Variants in CARNS1 observed in about 807,000 individuals in gnomAD.
CARNS1 encodes the protein ATP-grasp domain containing 1.
A neutral mutation model predicts 74.0 loss-of-function variants in CARNS1; 61 were observed. The observed-to-expected ratio is 0.82, with a 90% CI of 0.67 to 1.02. CARNS1 has a LOEUF of 1.02. CARNS1 is among the 50% of genes least tolerant of loss of function. The probability of loss-of-function intolerance (pLI) is 0.00; values close to 1 mark genes in which losing one functional copy is unlikely to be tolerated. For missense variants in CARNS1, 1,278 were observed against 1,308.4 expected, an observed-to-expected ratio of 0.98 and a Z score of 0.36; for synonymous variants, 568 against 605.5, an observed-to-expected ratio of 0.94 and a Z score of 0.91.
At position 67,423,833 on chromosome 11, in the gene CARNS1, T is replaced by C. The variant is rs1863764944; in HGVS notation, c.2085T>C (p.His695=). 6.2e-7 allele frequency: 1 copy of C among 1,611,476 alleles called. No homozygotes were observed. Among genetic ancestry groups the C allele is most frequent in the Non-Finnish European group, 8.5e-7 (1 of 1,179,852 alleles). Residue 695 remains histidine (H), a synonymous_variant, in exon 10 of 10, where the codon CAT becomes CAC. Coordinates refer to ENST00000687366, the MANE Select transcript of CARNS1 (RefSeq NM_001166222.2). The surrounding 1 kb of genome is among the most constrained non-coding windows in gnomAD (Gnocchi z 5.1). ...VRLVEDAPQC[H]EHFSRITRDL... ...TGGTAGAGGATGCGCCACAGTGCCA[T>C]GAGCACTTTTCCCGGATTACCCGAG...
Position 67,418,868 on chromosome 11 carries a change from C to A in CARNS1, c.477C>A (p.Gly159=), listed in dbSNP as rs1268161545. ...AGGCTGTGAGCTTCCACCCTGGGGG[C>A]CTGACATTCCTGGATGACTTTGTCC... ...VSKAVSFHPG[G]LTFLDDFVPP... Residue 159 remains glycine (G), a synonymous_variant, in exon 5 of 10, where the codon GGC becomes GGA. Coordinates refer to ENST00000687366, the MANE Select transcript of CARNS1 (RefSeq NM_001166222.2). 2.5e-6 allele frequency: 4 copies of A among 1,600,460 alleles called. No individual in the cohort carries two copies. The highest frequency in any genetic ancestry group is 3.4e-6 in the Non-Finnish European group (4 of 1,173,724).
In CARNS1 at chr11:67,419,221, A is replaced by G. The variant is rs765753916; in HGVS notation, c.830A>G (p.Glu277Gly). 6.0e-6 allele frequency: 9 copies of G among 1,489,256 alleles called. No individual in the cohort carries two copies. Among genetic ancestry groups the G allele is most frequent in the Non-Finnish European group, 8.1e-6 (9 of 1,113,662 alleles). The allele number at this position is 1,489,256 out of a possible 1,614,324, so 92.3% of individuals were successfully genotyped here. A position where few individuals can be genotyped will look rare whatever the true frequency, so the allele number is the denominator to read the frequency against. ...KEEVEAFLRS[E>G]ALGDILQVAV... ...GAAGTGGAGGCTTTTCTGCGCTCCG[A>G]GGCCCTGGGTGATATCCTGCAGGTA... The change falls in exon 5 of 10, where the codon GAG becomes GGG. Residue 277 changes from glutamate (E) to glycine (G), a missense_variant. Transcript: ENST00000687366.
chr11:67,422,621 A>C (rs1042166665), intron 9 of CARNS1, among the ~76,000 whole-genome samples: 1 of 152,160 alleles, frequency 6.6e-6, no homozygotes, highest in African/African-American at 2.4e-5. Flanking sequence ...GCCACTGCGC[A>C]CAGCCAATTA....
rs749238189 is a variant in CARNS1 at position 67,424,494 on chromosome 11, G to A, written c.2746G>A (p.Gly916Arg). The A allele has an allele frequency of 1.1e-5, 18 of 1,587,662 alleles. No homozygotes were observed. In the East Asian group the frequency reaches 1.2e-4, roughly 10 times the overall value. The change falls in exon 10 of 10, where the codon GGA (glycine) becomes AGA (arginine). Residue 916 changes from glycine to arginine, a missense_variant. Physicochemically the swap from Gly to Arg is moderately radical, Grantham distance 125 (BLOSUM62 -2). Coordinates refer to ENST00000687366, the MANE Select transcript of CARNS1 (RefSeq NM_001166222.2). ...GCCCTACTGCAGTGTGGCCTGTGCCGGACCCAGCCCCACCGAGGCCCGTCT... is the reference window on the plus strand; with the variant it reads ...GCCCTACTGCAGTGTGGCCTGTGCCAGACCCAGCCCCACCGAGGCCCGTCT... ...EEPYCSVACA[G>R]PSPTEARLRL...
At chr11:67,417,140 CA>C (rs1863563213) in intron 2 of CARNS1, 17 of 1,198,994 alleles carry the variant, frequency 1.4e-5, no homozygotes, top group Non-Finnish European at 1.7e-5. Context: ...CCCAGCATGG[CA>C]GGGGCGGGAG....
intron 4 of CARNS1, 34 bp downstream of exon 4, chr11:67,418,554 T>C: frequency 6.6e-7 from 1 of 1,520,390 alleles, no homozygotes; most frequent in Non-Finnish European, 8.8e-7. Flanking sequence ...CATCCCCTTC[T>C]ACAGAAAGGG....
In CARNS1 at chr11:67,423,782, C is replaced by G; in HGVS notation, c.2034C>G (p.Phe678Leu). ...TGCCAGGTGTCATGAAGCTGGAGTT[C>G]GGGGCAGGTGCAGTGGGTGTCCGGC... Reference protein sequence around the residue: ...VPLPGVMKLEFGAGAVGVRLV... With the variant: ...VPLPGVMKLELGAGAVGVRLV... Residue 678 changes from phenylalanine to leucine, a missense_variant, in exon 10 of 10, where the codon TTC becomes TTG. Phe to Leu is a conservative substitution (Grantham distance 22). Around this residue, in one of 3 missense-constraint regions of CARNS1, gnomAD observed 1,164 missense variants for 1,156.5 expected, o/e 1.01. Transcript: ENST00000687366. The surrounding 1 kb of genome is among the most constrained non-coding windows in gnomAD (Gnocchi z 5.1). 1 of 1,598,462 alleles carries G rather than the reference C, an allele frequency of 6.3e-7. No individual in the cohort carries two copies. Among genetic ancestry groups the G allele is most frequent in the Non-Finnish European group, 8.5e-7 (1 of 1,176,568 alleles).
rs1276362983 is a variant in CARNS1 at position 67,416,220 on chromosome 11, C to T, written c.3+18C>T. ...ACGAGATGGTGAGTCTTCTGTGGTC[C>T]CTCCCCCACAAGGCCCAAGTCCCTG... is the stretch of plus-strand genomic sequence containing the variant. On this transcript the variant is annotated intron_variant, in intron 2 of 9. Coordinates refer to ENST00000687366, the MANE Select transcript of CARNS1 (RefSeq NM_001166222.2). The T allele has an allele frequency of 6.5e-7, 1 of 1,536,786 alleles. No homozygotes were observed. The highest frequency in any genetic ancestry group is 1.2e-5 in the South Asian group (1 of 84,046).
rs150605405 is a variant in CARNS1 at position 67,418,301 on chromosome 11, CCT to C, written c.275-129_275-128del. 4,974 of 617,634 alleles carry C rather than the reference CCT, an allele frequency of 8.1e-3. 183 individuals are homozygous for C. In the African/African-American group the frequency reaches 0.082, roughly 10 times the overall value. The allele number at this position is 617,634 out of a possible 1,614,324, so 38.3% of individuals were successfully genotyped here. On this transcript the variant is annotated intron_variant, in intron 3 of 9. Transcript: ENST00000687366. ...GGGCACCTCCATTCCCTGCCTGTCCCCTGTCTCATCCGATTCCTGGGAAAACT... is the reference window on the plus strand; with the variant it reads ...GGGCACCTCCATTCCCTGCCTGTCCCGTCTCATCCGATTCCTGGGAAAACT...
chr11:67,417,044 T>G (rs1000327470), intron 2 of CARNS1: 6 of 1,036,504 alleles, frequency 5.8e-6, no homozygotes, highest in Non-Finnish European at 5.8e-6. Context: ...AGTGGCTGTG[T>G]GCCAGGCACG....
Position 67,423,799 on chromosome 11 carries a change from G to T in CARNS1, c.2051G>T (p.Gly684Val). 6.2e-7 allele frequency: 1 copy of T among 1,604,588 alleles called. No individual in the cohort carries two copies. Residue 684 changes from glycine (G) to valine (V), a missense_variant, in exon 10 of 10, where the codon GGT (glycine) becomes GTT (valine). By Grantham distance (109) the Gly-to-Val change is moderately radical (BLOSUM62 -3). Around this residue, in one of 3 missense-constraint regions of CARNS1, gnomAD observed 1,164 missense variants for 1,156.5 expected, o/e 1.01. Transcript: ENST00000687366. This position sits in a 1 kb window ranked among gnomAD's most constrained non-coding sequence, Gnocchi z 5.1. ...CTGGAGTTCGGGGCAGGTGCAGTGG[G>T]TGTCCGGCTGGTAGAGGATGCGCCA... is the stretch of plus-strand genomic sequence containing the variant. ...MKLEFGAGAV[G>V]VRLVEDAPQC... is the part of the protein sequence containing the mutation.
chr11:67,424,144 T>C lies in CARNS1; in HGVS notation c.2396T>C (p.Val799Ala), dbSNP rs537074890. Residue 799 changes from valine (V) to alanine (A), a missense_variant, in exon 10 of 10, where the codon GTG becomes GCG. Val to Ala is a moderately conservative substitution (Grantham distance 64). This residue lies in a region of CARNS1 where 1,164 missense variants were observed against 1,156.5 expected (regional missense o/e 1.01). Coordinates refer to ENST00000687366, the MANE Select transcript of CARNS1 (RefSeq NM_001166222.2). ...GCGLLDGVFN[V>A]ELKLTGAGPR... The stretch of plus-strand genomic sequence containing the variant: ...GGGTTGCTCGATGGAGTCTTCAACG[T>C]GGAGCTCAAGCTGACCGGGGCTGGG... The C allele has an allele frequency of 3.7e-6, 6 of 1,613,926 alleles. No homozygotes were observed. The South Asian group carries it at 6.6e-5, about 18-fold the overall frequency.
chr11:67,424,376 C>T lies in CARNS1; in HGVS notation c.2628C>T (p.Thr876=), dbSNP rs1013086840. 25 of 1,595,900 alleles carry T rather than the reference C, an allele frequency of 1.6e-5. No homozygotes were observed. The highest frequency in any genetic ancestry group is 3.5e-4 in the Middle Eastern group (2 of 5,644). The stretch of plus-strand genomic sequence containing the variant: ...AGCACCTGCAGGCCCTGAGTTCCAC[C>T]GCCAGCCGTGAGACCCTGCAGGCCC... ...VSQHLQALSS[T]ASRETLQALH... is the part of the protein sequence containing the mutation. Residue 876 remains threonine, a synonymous_variant, in exon 10 of 10, where the codon ACC becomes ACT. Coordinates refer to ENST00000687366, the MANE Select transcript of CARNS1 (RefSeq NM_001166222.2).
In CARNS1 at chr11:67,424,311, G is replaced by A; in HGVS notation, c.2563G>A (p.Ala855Thr). The change falls in exon 10 of 10, where the codon GCT (alanine) becomes ACT (threonine). Residue 855 changes from alanine (A) to threonine (T), a missense_variant. This residue lies in a region of CARNS1 where 1,164 missense variants were observed against 1,156.5 expected (regional missense o/e 1.01). Coordinates refer to ENST00000687366, the MANE Select transcript of CARNS1 (RefSeq NM_001166222.2). ...TCCTGCCCTGCCCACCCGCCCACGTGCTCGTGGCCATCTGGTGGGCGTCAT... is the reference window on the plus strand; with the variant it reads ...TCCTGCCCTGCCCACCCGCCCACGTACTCGTGGCCATCTGGTGGGCGTCAT... Reference protein sequence around the residue: ...LRPALPTRPRARGHLVGVMCL... With the variant: ...LRPALPTRPRTRGHLVGVMCL... 6.2e-7 allele frequency: 1 copy of A among 1,611,652 alleles called. No homozygotes were observed. The highest frequency in any genetic ancestry group is 8.5e-7 in the Non-Finnish European group (1 of 1,179,282).
At chr11:67,416,810 C>A (rs1473330975) in intron 2 of CARNS1, 1 of 986,236 alleles carries the variant, frequency 1.0e-6, no homozygotes, top group Non-Finnish European at 1.2e-6. Flanking sequence ...AAAGCATTTC[C>A]GTGACTCAAA....
chr11:67,421,104 C>A lies in CARNS1; in HGVS notation c.1511C>A (p.Thr504Asn). The A allele has an allele frequency of 6.9e-7, 1 of 1,447,234 alleles. No individual in the cohort carries two copies. Among genetic ancestry groups the A allele is most frequent in the African/African-American group, 1.5e-5 (1 of 67,410 alleles). The allele number at this position is 1,447,234 out of a possible 1,614,324, so 89.6% of individuals were successfully genotyped here. A position where few individuals can be genotyped will look rare whatever the true frequency, so the allele number is the denominator to read the frequency against. ...DEAVAAPLVE[T>N]MLRRSARCLM... ...GCGGTGGCGGCGCCGCTGGTGGAGACCATGCTTCGGCGGTCGGCGCGCTGC... is the reference window on the plus strand; with the variant it reads ...GCGGTGGCGGCGCCGCTGGTGGAGAACATGCTTCGGCGGTCGGCGCGCTGC... The change falls in exon 9 of 10, where the codon ACC becomes AAC. Residue 504 changes from threonine (T) to asparagine (N), a missense_variant. Physicochemically the swap from Thr to Asn is moderately conservative, Grantham distance 65. Coordinates refer to ENST00000687366, the MANE Select transcript of CARNS1 (RefSeq NM_001166222.2).
At position 67,418,693 on chromosome 11, in the gene CARNS1, C is replaced by G. The variant is rs903151127; in HGVS notation, c.365-63C>G. 2.0e-6 allele frequency: 3 copies of G among 1,485,350 alleles called. No individual in the cohort carries two copies. The Admixed American group carries it at 6.8e-5, about 33-fold the overall frequency. 92.0% of individuals were successfully genotyped at this position (1,485,350 alleles called of 1,614,324 possible). On this transcript the variant is annotated intron_variant, in intron 4 of 9. Coordinates refer to ENST00000687366, the MANE Select transcript of CARNS1 (RefSeq NM_001166222.2). ...GATCAGCTGCTTCCACTCCGCTACC[C>G]GGGGGCCCGGGCATAGGGCATCAAG...
Position 67,423,801 on chromosome 11 carries a change from G to A in CARNS1, c.2053G>A (p.Val685Ile), listed in dbSNP as rs1863763727. 1.2e-6 allele frequency: 2 copies of A among 1,605,058 alleles called. No homozygotes were observed. The highest frequency in any genetic ancestry group is 2.7e-5 in the African/African-American group (2 of 75,026). Residue 685 changes from valine to isoleucine, a missense_variant, in exon 10 of 10, where the codon GTC becomes ATC. By Grantham distance (29) the Val-to-Ile change is conservative. Coordinates refer to ENST00000687366, the MANE Select transcript of CARNS1 (RefSeq NM_001166222.2). The surrounding 1 kb of genome is among the most constrained non-coding windows in gnomAD (Gnocchi z 5.1). ...GGAGTTCGGGGCAGGTGCAGTGGGT[G>A]TCCGGCTGGTAGAGGATGCGCCACA... ...KLEFGAGAVG[V>I]RLVEDAPQCH...
chr11:67,420,690 C>G lies in CARNS1; in HGVS notation c.1195C>G (p.Gln399Glu). ...LPRTLEVALA[Q>E]CGLGEEAQVA... is the part of the protein sequence containing the mutation. Reference sequence around the variant, plus strand: ...GAGGACGCTGGAGGTGGCGCTGGCCCAGTGCGGCCTGGGCGAGGAGGCGCA... The same window carrying G: ...GAGGACGCTGGAGGTGGCGCTGGCCGAGTGCGGCCTGGGCGAGGAGGCGCA... Residue 399 changes from glutamine to glutamate, a missense_variant, in exon 8 of 10, where the codon CAG (glutamine) becomes GAG (glutamate). Coordinates refer to ENST00000687366, the MANE Select transcript of CARNS1 (RefSeq NM_001166222.2). 1 of 1,265,832 alleles carries G rather than the reference C, an allele frequency of 7.9e-7. No individual in the cohort carries two copies. Among genetic ancestry groups the G allele is most frequent in the Non-Finnish European group, 9.9e-7 (1 of 1,007,980 alleles). The allele number at this position is 1,265,832 out of a possible 1,614,324, so 78.4% of individuals were successfully genotyped here. A position where few individuals can be genotyped will look rare whatever the true frequency, so the allele number is the denominator to read the frequency against.
Sources: gnomAD v4.1 joint callset for allele counts (sites outside exome capture counted in the v4.1 genomes callset) on GRCh38, gnomAD v4.1.1 for gene constraint, gnomAD v4.1.1 regional missense constraint, Gnocchi (gnomAD v3.1) non-coding constraint, MANE v1.5 for transcripts, NCBI Gene and HGNC (gene_info 2026-07-23, HGNC 2026-07-21) for gene names.